NWD2: variants seen among roughly 807,000 people sequenced by gnomAD.
NWD2 encodes NACHT and WD repeat domain containing 2.
A neutral mutation model predicts 132.7 loss-of-function variants in NWD2; 37 were observed. The observed-to-expected ratio is 0.28, with a 90% CI of 0.21 to 0.37. The LOEUF is 0.37. Ranked by LOEUF, NWD2 falls within the 10% of genes least tolerant of loss-of-function variation. The probability of loss-of-function intolerance (pLI) is 1.00; values close to 1 mark genes in which losing one functional copy is unlikely to be tolerated. For missense variants in NWD2, 1,592 were observed against 2,122.4 expected (o/e 0.75, Z 4.91); for synonymous variants, 705 against 803.0 (o/e 0.88, Z 2.06).
At chr4:37,377,850 A>T (rs1340662470) in intron 3 of NWD2, among the ~76,000 whole-genome samples, 1 of 152,226 alleles carries the variant, frequency 6.6e-6, no homozygotes, top group Non-Finnish European at 1.5e-5. Context: ...ATGTATTAGA[A>T]GTTTAATAAG....
At chr4:37,247,875 G>A (rs1212004017) in intron 1 of NWD2, among the ~76,000 whole-genome samples, 1 of 152,142 alleles carries the variant, frequency 6.6e-6, no homozygotes, top group African/African-American at 2.4e-5. Flanking sequence ...CTCCCAAAGT[G>A]CTGGGATTAC....
intron 3 of NWD2, among the ~76,000 whole-genome samples, chr4:37,378,716 T>C (rs1207858498): frequency 6.6e-6 from 1 of 152,212 alleles, no homozygotes; most frequent in Non-Finnish European, 1.5e-5. Flanking sequence ...ATACACTCCA[T>C]GTGTCCTTCT....
At chr4:37,413,617 C>T (rs1176089136) in intron 3 of NWD2, among the ~76,000 whole-genome samples, 1 of 152,288 alleles carries the variant, frequency 6.6e-6, no homozygotes, top group African/African-American at 2.4e-5. Flanking sequence ...AATCCCATTA[C>T]TGGGTATATA....
At chr4:37,396,806 G>A (rs775471688) in intron 3 of NWD2, among the ~76,000 whole-genome samples, 3 of 152,174 alleles carry the variant, frequency 2.0e-5, no homozygotes, top group Non-Finnish European at 1.5e-5. Context: ...GCCGAGGCGG[G>A]TGGATCAACT....
At chr4:37,415,521 G>A (rs887372871) in intron 3 of NWD2, among the ~76,000 whole-genome samples, 2 of 152,000 alleles carry the variant, frequency 1.3e-5, no homozygotes, top group Non-Finnish European at 2.9e-5. Flanking sequence ...TGGCTAACAC[G>A]GTGACACCCT....
At chr4:37,392,531 C>T (rs1720697707) in intron 3 of NWD2, among the ~76,000 whole-genome samples, 1 of 152,108 alleles carries the variant, frequency 6.6e-6, no homozygotes, top group Admixed American at 6.5e-5. Context: ...ATTGTGACAG[C>T]CCAAAATGTC....
chr4:37,389,366 T>C (rs1263781475), intron 3 of NWD2, among the ~76,000 whole-genome samples: 4 of 152,238 alleles, frequency 2.6e-5, no homozygotes, highest in Non-Finnish European at 2.9e-5. Flanking sequence ...TTAATGTGTA[T>C]TAATATTTTT....
chr4:37,311,973 G>T (rs1379730082), intron 1 of NWD2, among the ~76,000 whole-genome samples: 1 of 151,138 alleles, frequency 6.6e-6, no homozygotes, highest in African/African-American at 2.5e-5. Flanking sequence ...GCTCTGCTCT[G>T]TTCCATTGAT....
At chr4:37,421,150 C>CAGTT (rs902369327) in intron 3 of NWD2, among the ~76,000 whole-genome samples, 83 of 152,328 alleles carry the variant, frequency 5.4e-4, no homozygotes, top group African/African-American at 1.9e-3. Flanking sequence ...TGTGTCTCCA[C>CAGTT]TACCCCTCTG....
chr4:37,267,161 T>TCTATGACTG (rs1250297785), intron 1 of NWD2, among the ~76,000 whole-genome samples: 1 of 152,060 alleles, frequency 6.6e-6, no homozygotes, highest in Non-Finnish European at 1.5e-5. Flanking sequence ...TGGAACCTCT[T>TCTATGACTG]CTATGACTGT....
At chr4:37,395,817 G>A (rs1045224697) in intron 3 of NWD2, among the ~76,000 whole-genome samples, 3 of 151,502 alleles carry the variant, frequency 2.0e-5, no homozygotes, top group African/African-American at 7.3e-5. Flanking sequence ...CCAGGCTGGA[G>A]TGCAATGGCA....
At chr4:37,301,835 T>A (rs964442983) in intron 1 of NWD2, among the ~76,000 whole-genome samples, 1 of 152,226 alleles carries the variant, frequency 6.6e-6, no homozygotes. Context: ...TATGTTGTCT[T>A]GATTTTTATG....
At chr4:37,417,139 C>A (rs1358718713) in intron 3 of NWD2, among the ~76,000 whole-genome samples, 1 of 151,978 alleles carries the variant, frequency 6.6e-6, no homozygotes, top group African/African-American at 2.4e-5. Context: ...GAATATATTT[C>A]TCTTAAAATT....
chr4:37,334,954 A>C (rs1304827279), intron 2 of NWD2, among the ~76,000 whole-genome samples: 1 of 151,968 alleles, frequency 6.6e-6, no homozygotes, highest in Non-Finnish European at 1.5e-5. Flanking sequence ...CGTTACCTTG[A>C]CTGTTGCCAT....
chr4:37,424,330 G>A (rs1711927971), intron 3 of NWD2, among the ~76,000 whole-genome samples: 1 of 152,066 alleles, frequency 6.6e-6, no homozygotes, highest in African/African-American at 2.4e-5. Context: ...GAAAGAATGG[G>A]GTTATTAAAT....
chr4:37,360,697 G>C (rs1719964344), intron 3 of NWD2, among the ~76,000 whole-genome samples: 1 of 152,146 alleles, frequency 6.6e-6, no homozygotes, highest in Non-Finnish European at 1.5e-5. Flanking sequence ...GCATTCCCTA[G>C]TCCATAGAAA....
chr4:37,327,204 A>G (rs903513468), intron 2 of NWD2, among the ~76,000 whole-genome samples: 1 of 152,184 alleles, frequency 6.6e-6, no homozygotes, highest in African/African-American at 2.4e-5. Flanking sequence ...AATGTGTCCA[A>G]GCATATAATC....
At chr4:37,362,239 G>T (rs1055913906) in intron 3 of NWD2, among the ~76,000 whole-genome samples, 1 of 152,122 alleles carries the variant, frequency 6.6e-6, no homozygotes, top group African/African-American at 2.4e-5. Flanking sequence ...TGTTCATTCT[G>T]CCCAAAGCAA....
At chr4:37,424,715 G>A (rs1424073294) in intron 3 of NWD2, among the ~76,000 whole-genome samples, 2 of 152,138 alleles carry the variant, frequency 1.3e-5, no homozygotes, top group African/African-American at 2.4e-5. Context: ...GGGAGCAGCT[G>A]CCTCACGCCC....
Sources: gnomAD v4.1 joint callset for allele counts (sites outside exome capture counted in the v4.1 genomes callset) on GRCh38, gnomAD v4.1.1 for gene constraint, MANE v1.5 for transcripts, NCBI Gene and HGNC (gene_info 2026-07-23, HGNC 2026-07-21) for gene names.